Variants in FRMD5 observed in about 807,000 individuals in gnomAD.
FRMD5 encodes the protein FERM domain containing 5.
FRMD5 carries 20 observed loss-of-function variants against 69.0 expected under a neutral mutation model. The ratio of observed to expected loss-of-function variants is 0.29; its 90% CI spans 0.20 to 0.42. FRMD5 has a LOEUF of 0.42. Among genes scored for constraint, FRMD5 ranks in the 10% least tolerant of loss-of-function variants. FRMD5 has a pLI of 1.00. For synonymous variants in FRMD5, 271 were observed against 260.1 expected (o/e 1.04, Z -0.40); for missense variants, 595 against 708.6 (o/e 0.84, Z 1.82).
intron 1 of FRMD5, among the ~76,000 whole-genome samples, chr15:44,130,229 C>T (rs1208473941): frequency 6.6e-6 from 1 of 152,218 alleles, no homozygotes; most frequent in East Asian, 1.9e-4. Context: ...CCATGAGAGA[C>T]TGACATCCCC....
chr15:43,905,870 T>G lies in FRMD5; in HGVS notation c.509A>C (p.Lys170Thr), dbSNP rs2089159364. ...KFQFFPKHSE[K>T]LERKIAEIHK... ...AATCTCAGCAATTTTCCTTTCCAGC[T>G]TCTCTGAATGTTTAGGGAAAAACTG... The change falls in exon 6 of 14, where the codon AAG (lysine) becomes ACG (threonine). Residue 170 changes from lysine to threonine, a missense_variant. Lys to Thr is a moderately conservative substitution (Grantham distance 78). Transcript: ENST00000417257. 1.2e-6 allele frequency: 2 copies of G among 1,614,244 alleles called. No homozygotes were observed. The highest frequency in any genetic ancestry group is 2.2e-5 in the South Asian group (2 of 91,088).
At chr15:44,027,328 A>G (rs1217487538) in intron 1 of FRMD5, among the ~76,000 whole-genome samples, 1 of 151,982 alleles carries the variant, frequency 6.6e-6, no homozygotes, top group Non-Finnish European at 1.5e-5. Context: ...CAACAAAAAC[A>G]AAAAAAACCC....
At chr15:44,010,101 T>C (rs1283362924) in intron 1 of FRMD5, among the ~76,000 whole-genome samples, 1 of 152,208 alleles carries the variant, frequency 6.6e-6, no homozygotes, top group Non-Finnish European at 1.5e-5. Context: ...AAGGGAATTA[T>C]CCACTAAGAT....
chr15:43,961,463 T>G (rs1370727324), intron 1 of FRMD5, among the ~76,000 whole-genome samples: 1 of 152,212 alleles, frequency 6.6e-6, no homozygotes, highest in African/African-American at 2.4e-5. Context: ...GCAGCCGAAT[T>G]CTACCAGAGG....
chr15:43,937,446 T>C (rs1314189577), intron 1 of FRMD5, among the ~76,000 whole-genome samples: 1 of 151,984 alleles, frequency 6.6e-6, no homozygotes, highest in African/African-American at 2.4e-5. Flanking sequence ...AAGACCAGCC[T>C]GGCTAACATG....
intron 7 of FRMD5, among the ~76,000 whole-genome samples, chr15:43,900,062 T>C (rs2089007882): frequency 6.6e-6 from 1 of 152,084 alleles, no homozygotes; most frequent in Non-Finnish European, 1.5e-5. Flanking sequence ...AACGCAGAGG[T>C]AACCTGGCCC....
intron 1 of FRMD5, among the ~76,000 whole-genome samples, chr15:44,158,444 T>G (rs1289015723): frequency 6.6e-6 from 1 of 152,188 alleles, no homozygotes; most frequent in Non-Finnish European, 1.5e-5. Flanking sequence ...CTTTTGTACC[T>G]CATAACCTGA....
intron 1 of FRMD5, among the ~76,000 whole-genome samples, chr15:43,959,560 G>A (rs2090164659): frequency 6.6e-6 from 1 of 152,206 alleles, no homozygotes. Flanking sequence ...ACTGGGAGAT[G>A]AGACACAAGA....
chr15:43,993,703 G>A (rs941065058), intron 1 of FRMD5, among the ~76,000 whole-genome samples: 1 of 152,056 alleles, frequency 6.6e-6, no homozygotes, highest in South Asian at 2.1e-4. Flanking sequence ...CTATTATTGT[G>A]TTGCGATCTA....
At chr15:43,879,641 G>A in intron 13 of FRMD5, 1 of 399,032 alleles carries the variant, frequency 2.5e-6, no homozygotes, top group Non-Finnish European at 4.4e-6. Flanking sequence ...CCCGGACTCT[G>A]GTGTGAATCT....
At chr15:44,137,742 A>T (rs1337091459) in intron 1 of FRMD5, among the ~76,000 whole-genome samples, 1 of 152,112 alleles carries the variant, frequency 6.6e-6, no homozygotes, top group Non-Finnish European at 1.5e-5. Context: ...AACAGAAAGC[A>T]GTCAGTGAAG....
chr15:44,196,171 AATT>A (rs2078293125), upstream of FRMD5, among the ~76,000 whole-genome samples: 1 of 152,114 alleles, frequency 6.6e-6, no homozygotes, highest in Non-Finnish European at 1.5e-5. Context: ...GTTATAAAAT[AATT>A]ATGTCGGCCG....
intron 1 of FRMD5, among the ~76,000 whole-genome samples, chr15:44,016,489 G>A (rs985807905): frequency 1.4e-4 from 21 of 152,096 alleles, no homozygotes; most frequent in Non-Finnish European, 2.8e-4. Flanking sequence ...TTGGGAGGCC[G>A]AGGCAGGTGG....
chr15:43,957,954 T>C (rs1442557501), intron 1 of FRMD5, among the ~76,000 whole-genome samples: 6 of 152,218 alleles, frequency 3.9e-5, no homozygotes, highest in Non-Finnish European at 5.9e-5. Flanking sequence ...CATTTTCACA[T>C]AACTCCACAA....
intron 1 of FRMD5, chr15:43,989,074 C>T (rs1595593254): frequency 2.1e-5 from 19 of 908,994 alleles, no homozygotes; most frequent in Non-Finnish European, 2.7e-5. Context: ...GAAGCATCTG[C>T]GGTGGATGAT....
intron 1 of FRMD5, among the ~76,000 whole-genome samples, chr15:44,050,528 CTTTTTTTTT>C (rs34133842): frequency 0.043 from 3,991 of 93,780 alleles, 176 homozygotes; most frequent in African/African-American, 0.12. Flanking sequence ...GCCTGGCTCC[CTTTTTTTTT>C]TTTTTTTTTT....
intron 1 of FRMD5, among the ~76,000 whole-genome samples, chr15:43,974,560 G>A (rs1446136330): frequency 6.6e-6 from 1 of 152,000 alleles, no homozygotes; most frequent in Admixed American, 6.6e-5. Context: ...CCTATACTCT[G>A]GCTTCTGTAA....
chr15:43,894,026 T>C (rs2088857670), intron 7 of FRMD5, among the ~76,000 whole-genome samples: 3 of 152,210 alleles, frequency 2.0e-5, no homozygotes, highest in African/African-American at 7.2e-5. Context: ...AAGCACAATG[T>C]CATGGGCAGA....
intron 1 of FRMD5, among the ~76,000 whole-genome samples, chr15:43,944,431 T>C (rs1595544256): frequency 6.6e-6 from 1 of 152,248 alleles, no homozygotes; most frequent in East Asian, 1.9e-4. Context: ...CCACTTCTTT[T>C]GTTTTTGAGA....
Sources: allele counts gnomAD v4.1 joint callset (sites outside exome capture counted in the v4.1 genomes callset), GRCh38; gene constraint gnomAD v4.1.1; transcripts MANE v1.5; gene names NCBI Gene and HGNC (gene_info 2026-07-23, HGNC 2026-07-21).